Variants in KCNJ15 observed in about 807,000 individuals in gnomAD.
KCNJ15 encodes potassium inwardly rectifying channel subfamily J member 15, also known as ATP-sensitive inward rectifier potassium channel 15.
Under a neutral mutation model 23.0 loss-of-function variants are expected in KCNJ15, and 14 were observed. That is an observed-to-expected ratio of 0.61 (90% CI 0.40 to 0.95). The LOEUF is 0.95. KCNJ15 is among the 40% of genes least tolerant of loss of function. The pLI is 0.00. For missense variants in KCNJ15, 388 were observed against 461.8 expected (o/e 0.84, Z 1.46); for synonymous variants, 185 against 183.2 (o/e 1.01, Z -0.08).
At chr21:38,259,559 C>T (rs1018395928) in intron 1 of KCNJ15, among the ~76,000 whole-genome samples, 4 of 152,182 alleles carry the variant, frequency 2.6e-5, no homozygotes, top group African/African-American at 9.7e-5. Flanking sequence ...TGTCAGAAAG[C>T]CATTACATGA....
intron 1 of KCNJ15, among the ~76,000 whole-genome samples, chr21:38,258,095 G>A (rs896958745): frequency 4.0e-5 from 6 of 151,096 alleles, no homozygotes. Context: ...AAAAATCCAA[G>A]TGATTCTTAA....
At chr21:38,252,108 T>C (rs1179481065), upstream of KCNJ15, among the ~76,000 whole-genome samples, 1 of 152,256 alleles carries the variant, frequency 6.6e-6, no homozygotes, top group Non-Finnish European at 1.5e-5. Flanking sequence ...TTGTGATTTC[T>C]TGCTGTCTAA....
At position 38,299,595 on chromosome 21, in the gene KCNJ15, G is replaced by T. The variant is rs768565486; in HGVS notation, c.334G>T (p.Asp112Tyr). 134 of 1,614,008 alleles carry T rather than the reference G, an allele frequency of 8.3e-5. No homozygotes were observed. The highest frequency in any genetic ancestry group is 1.1e-4 in the Non-Finnish European group (129 of 1,180,050). ...SNHTPCIMKV[D>Y]SLTGAFLFSL... ...TCATACCCCCTGCATCATGAAAGTG[G>T]ACTCTCTCACTGGGGCGTTTCTCTT... The change falls in exon 3 of 3, where the codon GAC (aspartate) becomes TAC (tyrosine). Residue 112 changes from aspartate to tyrosine, a missense_variant. Transcript: ENST00000398938. This position sits in a 1 kb window ranked among gnomAD's most constrained non-coding sequence, Gnocchi z 4.5.
chr21:38,294,620 T>C (rs1354012713), intron 1 of KCNJ15, among the ~76,000 whole-genome samples: 3 of 152,180 alleles, frequency 2.0e-5, no homozygotes, highest in Non-Finnish European at 4.4e-5. Context: ...GACATCAATG[T>C]CTTTAAACAT....
chr21:38,252,484 A>G (rs533586095), upstream of KCNJ15, among the ~76,000 whole-genome samples: 25 of 152,352 alleles, frequency 1.6e-4, no homozygotes, highest in African/African-American at 5.8e-4. Context: ...AGCAAAAAGA[A>G]GACATCTGAT....
chr21:38,285,416 C>T (rs1012086735), intron 1 of KCNJ15, among the ~76,000 whole-genome samples: 3 of 152,130 alleles, frequency 2.0e-5, no homozygotes, highest in Non-Finnish European at 4.4e-5. Context: ...CGCCATTCTG[C>T]ATATGAGGAA....
upstream of KCNJ15, among the ~76,000 whole-genome samples, chr21:38,255,642 C>A (rs1241394077): frequency 6.6e-6 from 1 of 152,104 alleles, no homozygotes; most frequent in Admixed American, 6.5e-5. Flanking sequence ...TGATTTATGC[C>A]CTGAGCTTTG....
At chr21:38,254,304 T>C (rs1026598013), upstream of KCNJ15, among the ~76,000 whole-genome samples, 2 of 152,242 alleles carry the variant, frequency 1.3e-5, no homozygotes, top group African/African-American at 4.8e-5. Flanking sequence ...TCATCTCCTT[T>C]GGTAAACTGT....
chr21:38,236,734 C>T (rs577551495), intron 1 of KCNJ15, among the ~76,000 whole-genome samples: 2 of 152,334 alleles, frequency 1.3e-5, no homozygotes, highest in South Asian at 4.1e-4. Context: ...CCCTTAGCTA[C>T]AGGGGCCCTC....
chr21:38,268,548 C>A, intron 1 of KCNJ15, among the ~76,000 whole-genome samples: 1 of 29,174 alleles, frequency 3.4e-5, no homozygotes, highest in Non-Finnish European at 9.0e-5. Context: ...TACTTAAAAT[C>A]TGAAAAAAAA....
chr21:38,304,823 T>G lies in KCNJ15; in HGVS notation c.*4434T>G, dbSNP rs1486315273. 1 of 148,638 alleles carries G rather than the reference T, an allele frequency of 6.7e-6. No individual in the cohort carries two copies. The highest frequency in any genetic ancestry group is 1.5e-5 in the Non-Finnish European group (1 of 67,146). 9.2% of individuals were successfully genotyped at this position (148,638 alleles called of 1,614,324 possible). A position where few individuals can be genotyped will look rare whatever the true frequency, so the allele number is the denominator to read the frequency against. ...CCCGAGTAGCTGGGACTACAGGCGC[T>G]CGCCACCATGCCCGGCTAATTTTGT... On this transcript the variant is annotated 3_prime_UTR_variant, in exon 3 of 3. Coordinates refer to ENST00000398938, the MANE Select transcript of KCNJ15 (RefSeq NM_170736.3).
chr21:38,244,102 T>C (rs1350064998), intron 1 of KCNJ15, among the ~76,000 whole-genome samples: 1 of 152,136 alleles, frequency 6.6e-6, no homozygotes, highest in Non-Finnish European at 1.5e-5. Context: ...GTAACCGTCT[T>C]TTTATTTCTC....
upstream of KCNJ15, among the ~76,000 whole-genome samples, chr21:38,253,912 A>C (rs910081151): frequency 6.6e-5 from 10 of 152,222 alleles, no homozygotes; most frequent in African/African-American, 2.2e-4. Context: ...CAACTTACTG[A>C]ATAGTCATTT....
intron 1 of KCNJ15, among the ~76,000 whole-genome samples, chr21:38,284,202 G>A (rs950119219): frequency 6.6e-5 from 10 of 152,156 alleles, no homozygotes; most frequent in Non-Finnish European, 1.3e-4. Context: ...CTGCACAAGC[G>A]TGAGCTCCAT....
At chr21:38,268,579 A>C (rs1981734802) in intron 1 of KCNJ15, among the ~76,000 whole-genome samples, 1 of 148,032 alleles carries the variant, frequency 6.8e-6, no homozygotes, top group East Asian at 2.0e-4. Context: ...AAAAAAAAAG[A>C]AAGTGGGAGG....
chr21:38,236,306 G>C (rs1978596959), intron 1 of KCNJ15, among the ~76,000 whole-genome samples: 1 of 152,290 alleles, frequency 6.6e-6, no homozygotes, highest in Middle Eastern at 3.4e-3. Context: ...CATAACAAAA[G>C]CTTTGGACAA....
chr21:38,274,079 C>G (rs778060911), intron 1 of KCNJ15, among the ~76,000 whole-genome samples: 3 of 152,176 alleles, frequency 2.0e-5, no homozygotes, highest in Non-Finnish European at 4.4e-5. Context: ...TAACCTTTAC[C>G]ACTGAGGCTT....
intron 1 of KCNJ15, among the ~76,000 whole-genome samples, chr21:38,230,782 A>G (rs1988712974): frequency 6.6e-6 from 1 of 152,034 alleles, no homozygotes; most frequent in Non-Finnish European, 1.5e-5. Context: ...CTATTGATCT[A>G]TATGTTTATC....
Position 38,289,544 on chromosome 21 carries a change from C to G in KCNJ15, c.-116-7382C>G, listed in dbSNP as rs1378859240. Among the ~76,000 whole-genome samples the G allele has an allele frequency of 2.0e-5, 3 of 152,178 alleles. No individual in the cohort carries two copies. In the South Asian group the frequency reaches 6.2e-4, roughly 32 times the overall value. On this transcript the variant is annotated intron_variant, in intron 1 of 2. Transcript: ENST00000398938. ...GGTCAGGAGTTCAAGACCAGCCTGG[C>G]CAACATGGTGAAACCCCATCTCTAC...
Sources: allele counts gnomAD v4.1 joint callset (sites outside exome capture counted in the v4.1 genomes callset), GRCh38; gene constraint gnomAD v4.1.1; non-coding constraint Gnocchi (gnomAD v3.1); transcripts MANE v1.5; gene names NCBI Gene and HGNC (gene_info 2026-07-23, HGNC 2026-07-21).